The following DOP1A variants were observed in gnomAD, a reference collection of about 807,000 sequenced individuals.
DOP1A encodes protein DOP1A.
Under a neutral mutation model 267.6 loss-of-function variants are expected in DOP1A, and 90 were observed. That is an observed-to-expected ratio of 0.34 (90% confidence interval 0.28 to 0.40). DOP1A has a LOEUF of 0.40. Among genes scored for constraint, DOP1A ranks in the 10% least tolerant of loss-of-function variants. The pLI is 1.00. For synonymous variants in DOP1A, 932 were observed against 999.1 expected (o/e 0.93, Z 1.27); for missense variants, 2,437 against 2,900.4 (o/e 0.84, Z 3.67).
intron 38 of DOP1A, chr6:83,167,154 T>C: frequency 1.1e-6 from 1 of 920,660 alleles, no homozygotes. Context: ...AAAAGGTAGT[T>C]TTAGACTGTC....
chr6:83,115,444 C>T (rs542015409), intron 7 of DOP1A, among the ~76,000 whole-genome samples: 31 of 152,186 alleles, frequency 2.0e-4, no homozygotes, highest in African/African-American at 7.0e-4. Context: ...ACATTGTGGC[C>T]GGGTGTGGTG....
chr6:83,154,669 C>T (rs1782385278), intron 33 of DOP1A, among the ~76,000 whole-genome samples: 1 of 152,066 alleles, frequency 6.6e-6, no homozygotes, highest in Non-Finnish European at 1.5e-5. Flanking sequence ...CTTTAAATCT[C>T]TGGGGCTCTG....
At chr6:83,086,270 T>C (rs1057455261) in intron 1 of DOP1A, among the ~76,000 whole-genome samples, 12 of 152,224 alleles carry the variant, frequency 7.9e-5, no homozygotes, top group African/African-American at 2.7e-4. Context: ...ATATGCTGTA[T>C]TCTTATAATG....
rs189642098 is a variant in DOP1A at position 83,105,226 on chromosome 6, C to T, written c.321-3684C>T. ...CTGAAGAACTGACAGATAGTATACC[C>T]TTAATAAATATTTGTTTAATGAATA... On this transcript the variant is annotated intron_variant, in intron 4 of 38. Coordinates refer to ENST00000349129, the MANE Select transcript of DOP1A (RefSeq NM_015018.4). 7.1e-3 allele frequency among the ~76,000 whole-genome samples: 1,082 copies of T among 151,950 alleles called. 6 individuals are homozygous for T. The highest frequency in any genetic ancestry group is 0.024 in the South Asian group (117 of 4,812).
intron 24 of DOP1A, among the ~76,000 whole-genome samples, chr6:83,142,479 G>A (rs571188779): frequency 6.6e-6 from 1 of 152,046 alleles, no homozygotes; most frequent in South Asian, 2.1e-4. Context: ...CTGCACTCCA[G>A]CCTGGGCAAC....
chr6:83,137,141 TTTC>T (rs1224278876), intron 20 of DOP1A, 29 bp from the exon 21 acceptor site: 34 of 1,497,810 alleles, frequency 2.3e-5, no homozygotes, highest in Middle Eastern at 1.8e-4. Context: ...ATTTTGTATT[TTTC>T]TTCTTTTACT....
At position 83,100,880 on chromosome 6, in the gene DOP1A, TA is replaced by T; in HGVS notation, c.315del (p.Leu105PhefsTer17). 1 of 1,517,678 alleles carries T rather than the reference TA, an allele frequency of 6.6e-7. No individual in the cohort carries two copies. The highest frequency in any genetic ancestry group is 8.8e-7 in the Non-Finnish European group (1 of 1,131,020). The allele number at this position is 1,517,678 out of a possible 1,614,324, so 94.0% of individuals were successfully genotyped here. On this transcript the variant is annotated frameshift_variant, in exon 4 of 39. Transcript: ENST00000349129. LOFTEE classifies it high-confidence loss of function. ...AAGCGACTTGCCAAAGATCTTTTTT[TA>T]TATAGGTAAGAATAATTTTACTATA... ...GPKRLAKDLFLYSSGLFPLLA... is the reference protein window; with the variant it reads ...GPKRLAKDLFXYSSGLFPLLA...
At chr6:83,123,367 G>C (rs749659346) in intron 12 of DOP1A, among the ~76,000 whole-genome samples, 1 of 152,014 alleles carries the variant, frequency 6.6e-6, no homozygotes, top group Non-Finnish European at 1.5e-5. Flanking sequence ...TGTTTTTAAA[G>C]CCATTAGAAC....
chr6:83,114,041 A>G (rs922018642), intron 7 of DOP1A, among the ~76,000 whole-genome samples: 4 of 152,180 alleles, frequency 2.6e-5, no homozygotes, highest in African/African-American at 9.6e-5. Context: ...ACCTAACAAA[A>G]GTAATAAGAT....
At chr6:83,149,947 T>C (rs1398707501) in intron 27 of DOP1A, among the ~76,000 whole-genome samples, 1 of 152,198 alleles carries the variant, frequency 6.6e-6, no homozygotes, top group African/African-American at 2.4e-5. Context: ...TGGACAGGCA[T>C]CCTAATTGTC....
intron 1 of DOP1A, among the ~76,000 whole-genome samples, chr6:83,083,411 C>T (rs1768495932): frequency 6.8e-6 from 1 of 146,052 alleles, no homozygotes; most frequent in African/African-American, 2.6e-5. Flanking sequence ...AGAATTAAGA[C>T]TTGTGGTTTA....
intron 1 of DOP1A, among the ~76,000 whole-genome samples, chr6:83,096,479 T>A (rs1425742318): frequency 6.7e-6 from 1 of 150,078 alleles, no homozygotes; most frequent in African/African-American, 2.5e-5. Context: ...AGATGCCCAC[T>A]TATTACTTAA....
At chr6:83,099,137 G>T (rs1418330954) in intron 3 of DOP1A, among the ~76,000 whole-genome samples, 4 of 152,058 alleles carry the variant, frequency 2.6e-5, no homozygotes, top group African/African-American at 4.8e-5. Context: ...TTATAATAAG[G>T]GCTGTGGGAG....
intron 3 of DOP1A, among the ~76,000 whole-genome samples, chr6:83,099,968 A>G (rs1252424413): frequency 1.3e-5 from 2 of 152,104 alleles, no homozygotes; most frequent in African/African-American, 2.4e-5. Flanking sequence ...GTGACATTCT[A>G]TCAATACTTG....
At chr6:83,156,986 A>C (rs1173943677) in intron 34 of DOP1A, among the ~76,000 whole-genome samples, 196 bp from the exon 35 acceptor site, 1 of 152,212 alleles carries the variant, frequency 6.6e-6, no homozygotes, top group Non-Finnish European at 1.5e-5. Context: ...TAAGAAAATG[A>C]CATTTGTATT....
In DOP1A at chr6:83,115,702, C is replaced by T. The variant is rs534299572; in HGVS notation, c.780+2281C>T. Among the ~76,000 whole-genome samples, 166 of 151,980 alleles carry T rather than the reference C, an allele frequency of 1.1e-3. 2 individuals carry two copies. Among genetic ancestry groups the T allele is most frequent in the Non-Finnish European group, 8.8e-4 (60 of 67,954 alleles). On this transcript the variant is annotated intron_variant, in intron 7 of 38. Transcript: ENST00000349129. ...ATCGTGCCACTGCACTCCAGCCTGG[C>T]GACAGAGCAAGACTCTGTCTCAAAA...
At chr6:83,069,238 A>C (rs1188545326) in intron 1 of DOP1A, among the ~76,000 whole-genome samples, 2 of 152,204 alleles carry the variant, frequency 1.3e-5, no homozygotes, top group Non-Finnish European at 2.9e-5. Flanking sequence ...CCCCCAGAAC[A>C]GTGTTCTAAA....
chr6:83,140,038 T>C lies in DOP1A; in HGVS notation c.5159T>C (p.Ile1720Thr). Reference sequence around the variant, plus strand: ...GCATCAATTATTCCACCAGATATGATTCTTACTCTTTTGGAAGGGATTACA... The same window carrying C: ...GCATCAATTATTCCACCAGATATGACTCTTACTCTTTTGGAAGGGATTACA... ...WMASIIPPDM[I>T]LTLLEGITAI... Residue 1720 changes from isoleucine to threonine, a missense_variant, in exon 22 of 39, where the codon ATT (isoleucine) becomes ACT (threonine). Ile to Thr is a moderately conservative substitution (Grantham distance 89). This residue lies in a region of DOP1A where 307 missense variants were observed against 308.6 expected (regional missense o/e 0.99). Coordinates refer to ENST00000349129, the MANE Select transcript of DOP1A (RefSeq NM_015018.4). 6.2e-7 allele frequency: 1 copy of C among 1,613,752 alleles called. No homozygotes were observed. Among genetic ancestry groups the C allele is most frequent in the Non-Finnish European group, 8.5e-7 (1 of 1,179,776 alleles).
At position 83,126,451 on chromosome 6, in the gene DOP1A, T is replaced by C. The variant is rs192849727; in HGVS notation, c.1719+718T>C. ...TGTCTGTCTCCTGCTGCTATCACTATGCTAGTTGCTGGCTATCCAGTGGTG... is the reference window on the plus strand; with the variant it reads ...TGTCTGTCTCCTGCTGCTATCACTACGCTAGTTGCTGGCTATCCAGTGGTG... On this transcript the variant is annotated intron_variant, in intron 15 of 38. Transcript: ENST00000349129. 9.7e-4 allele frequency among the ~76,000 whole-genome samples: 148 copies of C among 152,240 alleles called. 1 individual carries two copies. The highest frequency in any genetic ancestry group is 1.7e-3 in the Admixed American group (26 of 15,268).
Sources: gnomAD v4.1 joint callset for allele counts (sites outside exome capture counted in the v4.1 genomes callset) on GRCh38, gnomAD v4.1.1 for gene constraint, gnomAD v4.1.1 regional missense constraint, MANE v1.5 for transcripts, NCBI Gene and HGNC (gene_info 2026-07-23, HGNC 2026-07-21) for gene names.